TENM2: variants seen among roughly 807,000 people sequenced by gnomAD.
TENM2 encodes teneurin-2.
TENM2 carries 52 observed loss-of-function variants against 245.2 expected under a neutral mutation model. The ratio of observed to expected loss-of-function variants is 0.21; its 90% CI spans 0.17 to 0.27. The LOEUF is 0.27. Among genes scored for constraint, TENM2 ranks in the 10% least tolerant of loss-of-function variants. The pLI, the probability that TENM2 is intolerant of heterozygous loss-of-function variation, is 1.00. For synonymous variants in TENM2, 1,363 were observed against 1,438.9 expected, an observed-to-expected ratio of 0.95 and a Z score of 1.19; for missense variants, 3,046 against 3,666.8, an observed-to-expected ratio of 0.83 and a Z score of 4.37.
intron 2 of TENM2, among the ~76,000 whole-genome samples, chr5:167,649,552 C>T (rs76027407): frequency 1.3e-5 from 2 of 152,090 alleles, no homozygotes; most frequent in Admixed American, 6.5e-5. Context: ...TCTTTTGAGA[C>T]TGTCTTTTTT....
intron 19 of TENM2, among the ~76,000 whole-genome samples, chr5:168,210,237 C>T (rs770213373): frequency 3.9e-5 from 6 of 152,104 alleles, no homozygotes; most frequent in Non-Finnish European, 8.8e-5. Flanking sequence ...AGCTCATATT[C>T]GTATGATCAT....
chr5:167,059,637 C>G, the TENM2 span, among the ~76,000 whole-genome samples: 1 of 152,050 alleles, frequency 6.6e-6, no homozygotes, highest in African/African-American at 2.4e-5. Flanking sequence ...TGGTTACTAA[C>G]AGCTACTGAT....
At chr5:167,095,979 C>T in the TENM2 span, among the ~76,000 whole-genome samples, 1 of 152,162 alleles carries the variant, frequency 6.6e-6, no homozygotes, top group African/African-American at 2.4e-5. Flanking sequence ...ACCATGTTGA[C>T]CAGGCTGGTC....
chr5:167,425,577 T>C (rs1248527070), intron 2 of TENM2, among the ~76,000 whole-genome samples: 1 of 152,246 alleles, frequency 6.6e-6, no homozygotes, highest in East Asian at 1.9e-4. Flanking sequence ...TTAGGTGCTT[T>C]TCAGTTATCT....
chr5:167,312,189 T>C (rs1756073405), intron 1 of TENM2, among the ~76,000 whole-genome samples: 1 of 152,216 alleles, frequency 6.6e-6, no homozygotes, highest in Non-Finnish European at 1.5e-5. Flanking sequence ...ATTACACATA[T>C]TAAACACAAT....
intron 2 of TENM2, among the ~76,000 whole-genome samples, chr5:167,543,264 G>A (rs939350673): frequency 3.3e-5 from 5 of 152,148 alleles, no homozygotes; most frequent in Non-Finnish European, 5.9e-5. Context: ...AACAGATGTT[G>A]AGATGCCTCT....
At chr5:168,231,402 GAGGCCAAA>G (rs950859315) in intron 25 of TENM2, among the ~76,000 whole-genome samples, 5 of 152,184 alleles carry the variant, frequency 3.3e-5, no homozygotes, top group Non-Finnish European at 7.3e-5. Flanking sequence ...GAAAGGCCAA[GAGGCCAAA>G]AAGGGAATGG....
At chr5:167,127,326 G>A in the TENM2 span, among the ~76,000 whole-genome samples, 2 of 152,234 alleles carry the variant, frequency 1.3e-5, no homozygotes, top group South Asian at 4.2e-4. Flanking sequence ...AACACTAATA[G>A]CTTTGCTGAA....
At chr5:166,986,390 G>A in the TENM2 span, among the ~76,000 whole-genome samples, 2 of 151,796 alleles carry the variant, frequency 1.3e-5, no homozygotes, top group Non-Finnish European at 2.9e-5. Flanking sequence ...AGCTTATTTT[G>A]TATTTTTTTC....
chr5:167,776,318 C>T (rs897711759), intron 2 of TENM2, among the ~76,000 whole-genome samples: 9 of 151,588 alleles, frequency 5.9e-5, no homozygotes, highest in Non-Finnish European at 1.3e-4. Flanking sequence ...AAAAATAGGC[C>T]AGGCATGGTG....
At chr5:167,260,252 T>G in the TENM2 span, among the ~76,000 whole-genome samples, 1 of 152,330 alleles carries the variant, frequency 6.6e-6, no homozygotes, top group Non-Finnish European at 1.5e-5. Flanking sequence ...ATTAACAGTA[T>G]TGTAGCAGTA....
chr5:168,091,793 A>G (rs1285187219), intron 8 of TENM2, among the ~76,000 whole-genome samples: 2 of 152,198 alleles, frequency 1.3e-5, no homozygotes, highest in East Asian at 1.9e-4. Flanking sequence ...TCACTGGGGA[A>G]GCCCCCACAG....
rs140021382 is a variant in TENM2, at chr5:167,383,553, C to G, written c.502+8080C>G. Among the ~76,000 whole-genome samples, 1,006 of 152,040 alleles carry G rather than the reference C, an allele frequency of 6.6e-3. 14 individuals are homozygous for G. The highest frequency in any genetic ancestry group is 0.023 in the African/African-American group (950 of 41,488). The stretch of plus-strand genomic sequence containing the variant: ...CTTTCCTTGAAATATGTCCCTCTTC[C>G]TTTCCCAACTTTCGTCTTTCCCCCA... On this transcript the variant is annotated intron_variant, in intron 2 of 28. Coordinates refer to ENST00000518659, the Ensembl canonical transcript of TENM2.
At chr5:167,314,254 G>T (rs77414258) in intron 1 of TENM2, among the ~76,000 whole-genome samples, 7,006 of 151,930 alleles carry the variant, frequency 0.046, 249 homozygotes, top group South Asian at 0.07. Context: ...TCTTAATTTT[G>T]TTAAGGAAAA....
intron 2 of TENM2, among the ~76,000 whole-genome samples, chr5:167,811,822 G>C (rs1181705484): frequency 6.6e-6 from 1 of 152,148 alleles, no homozygotes; most frequent in Non-Finnish European, 1.5e-5. Flanking sequence ...GGGTTTAAGA[G>C]AGATGAGCAA....
At chr5:167,835,369 A>T (rs1178539692) in intron 2 of TENM2, among the ~76,000 whole-genome samples, 1 of 152,226 alleles carries the variant, frequency 6.6e-6, no homozygotes, top group Admixed American at 6.5e-5. Context: ...TTGGGCAAGA[A>T]AATTGAGAAG....
intron 2 of TENM2, among the ~76,000 whole-genome samples, chr5:167,612,090 G>A (rs1343447044): frequency 6.6e-6 from 1 of 152,094 alleles, no homozygotes; most frequent in Non-Finnish European, 1.5e-5. Context: ...AAAGTCATGT[G>A]CAAGGTAAGA....
At chr5:167,361,429 A>G (rs1759711332) in intron 1 of TENM2, among the ~76,000 whole-genome samples, 1 of 152,198 alleles carries the variant, frequency 6.6e-6, no homozygotes, top group South Asian at 2.1e-4. Context: ...TAAACAACAT[A>G]TAGCACTCAT....
chr5:167,853,289 C>CAAAAAAAAAAAA (rs777170514), intron 2 of TENM2, among the ~76,000 whole-genome samples: 529 of 24,574 alleles, frequency 0.022, 79 homozygotes, highest in African/African-American at 0.036. Flanking sequence ...GACTCCGTCT[C>CAAAAAAAAAAAA]AAAAAAAAAA....
Sources: allele counts gnomAD v4.1 joint callset (sites outside exome capture counted in the v4.1 genomes callset), GRCh38; gene constraint gnomAD v4.1.1; transcripts MANE v1.5; gene names NCBI Gene and HGNC (gene_info 2026-07-23, HGNC 2026-07-21).